RPTOR: variants seen among roughly 807,000 people sequenced by gnomAD.
The protein encoded by RPTOR is regulatory-associated protein of mTOR.
In RPTOR, 21 loss-of-function variants were observed where a neutral mutation model predicts 169.9. That is an observed-to-expected ratio of 0.12 (90% CI 0.09 to 0.18). RPTOR has a LOEUF of 0.18. Ranked by LOEUF, RPTOR falls within the 10% of genes least tolerant of loss-of-function variation. The probability of loss-of-function intolerance (pLI) is 1.00; values close to 1 mark genes in which losing one functional copy is unlikely to be tolerated. For synonymous variants in RPTOR, 732 were observed against 753.2 expected, an observed-to-expected ratio of 0.97 and a Z score of 0.46; for missense variants, 1,133 against 1,855.9, an observed-to-expected ratio of 0.61 and a Z score of 7.16.
intron 7 of RPTOR, among the ~76,000 whole-genome samples, chr17:80,794,646 C>A (rs1306819647): frequency 6.6e-6 from 1 of 152,224 alleles, no homozygotes; most frequent in Non-Finnish European, 1.5e-5. Flanking sequence ...TACCCCAAGC[C>A]GGAAGCAACC....
At chr17:80,724,710 C>G (rs1319504857) in intron 4 of RPTOR, among the ~76,000 whole-genome samples, 1 of 152,196 alleles carries the variant, frequency 6.6e-6, no homozygotes, top group African/African-American at 2.4e-5. Flanking sequence ...CCCACCTGCC[C>G]TTCCAGAGGG....
At chr17:80,916,052 G>A (rs963809760) in intron 21 of RPTOR, among the ~76,000 whole-genome samples, 4 of 152,132 alleles carry the variant, frequency 2.6e-5, no homozygotes, top group African/African-American at 4.8e-5. Context: ...CCACTTGTCC[G>A]TGTACCTCAT....
At chr17:80,810,239 A>C (rs967854063) in intron 7 of RPTOR, among the ~76,000 whole-genome samples, 2 of 151,988 alleles carry the variant, frequency 1.3e-5, no homozygotes, top group Non-Finnish European at 2.9e-5. Context: ...TTTTTTCTAA[A>C]ACTTTTAGTT....
intron 21 of RPTOR, among the ~76,000 whole-genome samples, chr17:80,920,808 C>T (rs2068736231): frequency 6.6e-6 from 1 of 152,238 alleles, no homozygotes; most frequent in South Asian, 2.1e-4. Flanking sequence ...TTTTTCCAGA[C>T]ATTTTGAGAA....
At chr17:80,906,140 G>T (rs745757452) in intron 20 of RPTOR, among the ~76,000 whole-genome samples, 3 of 151,974 alleles carry the variant, frequency 2.0e-5, no homozygotes, top group Non-Finnish European at 4.4e-5. Context: ...CAGTGAGGCC[G>T]CATCTCCTCC....
At chr17:80,722,735 T>C (rs1159497879) in intron 4 of RPTOR, among the ~76,000 whole-genome samples, 1 of 151,424 alleles carries the variant, frequency 6.6e-6, no homozygotes, top group Non-Finnish European at 1.5e-5. Flanking sequence ...GTGTCCTTCA[T>C]CCAGCTACCC....
At chr17:80,566,119 C>A (rs866890119) in intron 1 of RPTOR, among the ~76,000 whole-genome samples, 7 of 152,320 alleles carry the variant, frequency 4.6e-5, no homozygotes, top group Non-Finnish European at 8.8e-5. Context: ...TACCTGTCTG[C>A]TCCTGGTCTG....
intron 1 of RPTOR, among the ~76,000 whole-genome samples, chr17:80,596,199 A>G (rs1245445978): frequency 6.6e-6 from 1 of 152,206 alleles, no homozygotes; most frequent in Non-Finnish European, 1.5e-5. Flanking sequence ...TGCTGCCTTG[A>G]TCTCATGCTC....
At chr17:80,643,657 T>C in intron 2 of RPTOR, 71 bp from the exon 3 acceptor site, 2 of 1,136,728 alleles carry the variant, frequency 1.8e-6, no homozygotes, top group South Asian at 1.4e-5. Context: ...AAGGAGAAAC[T>C]GTGGAAGAGA....
At chr17:80,585,878 T>C (rs1284662797) in intron 1 of RPTOR, among the ~76,000 whole-genome samples, 1 of 152,212 alleles carries the variant, frequency 6.6e-6, no homozygotes, top group African/African-American at 2.4e-5. Flanking sequence ...TTGTAGTATT[T>C]ATGAAAAATA....
chr17:80,918,457 G>GAGCACCCTCGCGGGGGTCATAGCCACA (rs2068702659), intron 21 of RPTOR, among the ~76,000 whole-genome samples: 1 of 142,722 alleles, frequency 7.0e-6, no homozygotes. Flanking sequence ...TCATAGCCAC[G>GAGCACCCTCGCGGGGGTCATAGCCACA]AGCACCCTCG....
At chr17:80,765,384 T>C (rs2066776082) in intron 6 of RPTOR, among the ~76,000 whole-genome samples, 1 of 152,168 alleles carries the variant, frequency 6.6e-6, no homozygotes, top group Admixed American at 6.5e-5. Context: ...AGGCTTCACT[T>C]CTCTCACCTC....
At chr17:80,546,792 G>A (rs527757884) in intron 1 of RPTOR, among the ~76,000 whole-genome samples, 82 of 152,186 alleles carry the variant, frequency 5.4e-4, no homozygotes, top group African/African-American at 1.8e-3. Flanking sequence ...GGTGGCTCAC[G>A]CCTGTAATCT....
intron 3 of RPTOR, among the ~76,000 whole-genome samples, chr17:80,681,797 C>T (rs922694580): frequency 3.9e-5 from 2 of 51,084 alleles, no homozygotes; most frequent in Non-Finnish European, 3.9e-5. Flanking sequence ...ATGAGGTGTA[C>T]GTCTCTTACA....
chr17:80,640,483 A>C (rs2065544622), intron 2 of RPTOR, among the ~76,000 whole-genome samples: 1 of 152,188 alleles, frequency 6.6e-6, no homozygotes, highest in Admixed American at 6.5e-5. Context: ...GGAACCATAC[A>C]ATTAACTGAC....
At chr17:80,591,338 T>G (rs1434474094) in intron 1 of RPTOR, among the ~76,000 whole-genome samples, 1 of 147,540 alleles carries the variant, frequency 6.8e-6, no homozygotes, top group Non-Finnish European at 1.5e-5. Context: ...CTCCTTCTTT[T>G]TTTTGGAGAC....
chr17:80,832,660 G>A (rs1274252592), intron 9 of RPTOR, among the ~76,000 whole-genome samples: 1 of 152,208 alleles, frequency 6.6e-6, no homozygotes, highest in Non-Finnish European at 1.5e-5. Context: ...CTGAGCTGCT[G>A]TGGAGGTGGG....
intron 1 of RPTOR, among the ~76,000 whole-genome samples, chr17:80,553,324 C>T (rs780131970): frequency 7.2e-5 from 11 of 152,302 alleles, no homozygotes; most frequent in African/African-American, 2.4e-4. Context: ...AAGGAATCAC[C>T]GACAGGCCGC....
rs745348295 is a variant in RPTOR, at chr17:80,746,812, T to C, written c.655-7198T>C. Among the ~76,000 whole-genome samples the C allele has an allele frequency of 5.3e-5, 8 of 151,816 alleles. No homozygotes were observed. Among genetic ancestry groups the C allele is most frequent in the African/African-American group, 1.5e-4 (6 of 41,302 alleles). On this transcript the variant is annotated intron_variant, in intron 5 of 33. Transcript: ENST00000306801. The surrounding 1 kb of genome is among the most constrained non-coding windows in gnomAD (Gnocchi z 4.5). The stretch of plus-strand genomic sequence containing the variant: ...GTAGATGCAAAACCAAAACAGTGTA[T>C]AGGAAATAACTCATCTGTTGAAATA...
Sources: allele counts gnomAD v4.1 joint callset (sites outside exome capture counted in the v4.1 genomes callset), GRCh38; gene constraint gnomAD v4.1.1; non-coding constraint Gnocchi (gnomAD v3.1); transcripts MANE v1.5; gene names NCBI Gene and HGNC (gene_info 2026-07-23, HGNC 2026-07-21).